DOCK9: variants seen among roughly 807,000 people sequenced by gnomAD.
DOCK9 encodes the protein dedicator of cytokinesis protein 9.
DOCK9 carries 89 observed loss-of-function variants against 263.3 expected under a neutral mutation model. The observed-to-expected ratio is 0.34, with a 90% CI of 0.28 to 0.40. DOCK9 has a LOEUF of 0.40. Ranked by LOEUF, DOCK9 falls within the 10% of genes least tolerant of loss-of-function variation. The pLI, the probability that DOCK9 is intolerant of heterozygous loss-of-function variation, is 1.00. For missense variants in DOCK9, 2,140 were observed against 2,603.4 expected (o/e 0.82, Z 3.87); for synonymous variants, 976 against 973.1 (o/e 1.00, Z -0.06).
intron 47 of DOCK9, among the ~76,000 whole-genome samples, chr13:98,808,867 G>C (rs1213512284): frequency 1.3e-5 from 2 of 152,158 alleles, no homozygotes; most frequent in East Asian, 3.8e-4. Flanking sequence ...AAATATACTT[G>C]TGGAGATATT....
At chr13:98,837,092 CAT>C (rs1177992249) in intron 39 of DOCK9, among the ~76,000 whole-genome samples, 10 of 151,824 alleles carry the variant, frequency 6.6e-5, no homozygotes, top group Admixed American at 1.3e-4. Context: ...AAACTGAAAA[CAT>C]GTGTCTGTGT....
intron 2 of DOCK9, among the ~76,000 whole-genome samples, chr13:98,953,350 T>C (rs2057666212): frequency 6.6e-6 from 1 of 152,256 alleles, no homozygotes; most frequent in African/African-American, 2.4e-5. Flanking sequence ...TTGTGCCTGC[T>C]ATCACCAGAG....
chr13:98,862,078 A>G (rs1411679620), intron 32 of DOCK9, among the ~76,000 whole-genome samples: 2 of 152,166 alleles, frequency 1.3e-5, no homozygotes, highest in African/African-American at 4.8e-5. Flanking sequence ...TGAATATACA[A>G]ATGAAAATTC....
intron 5 of DOCK9, 109 bp from the exon 6 acceptor site, chr13:98,922,255 G>C: frequency 1.4e-6 from 1 of 730,414 alleles, no homozygotes; most frequent in Non-Finnish European, 2.3e-6. Context: ...GTTGTCCATT[G>C]CCCCTTTACT....
At chr13:98,890,487 C>T (rs2046452159) in intron 15 of DOCK9, among the ~76,000 whole-genome samples, 1 of 152,208 alleles carries the variant, frequency 6.6e-6, no homozygotes, top group African/African-American at 2.4e-5. Flanking sequence ...AGAAGAAATG[C>T]AGTTAGGATG....
chr13:99,007,479 T>C (rs908958987), intron 1 of DOCK9, among the ~76,000 whole-genome samples: 1 of 151,680 alleles, frequency 6.6e-6, no homozygotes, highest in African/African-American at 2.4e-5. Context: ...ATGGGAGAAA[T>C]AGAAATCAAC....
At chr13:99,032,965 G>A (rs1887504833) in intron 1 of DOCK9, among the ~76,000 whole-genome samples, 1 of 152,172 alleles carries the variant, frequency 6.6e-6, no homozygotes, top group African/African-American at 2.4e-5. Context: ...AAACACTTAG[G>A]AGCAGATTCC....
At chr13:98,952,559 A>G (rs1190550527) in intron 2 of DOCK9, among the ~76,000 whole-genome samples, 1 of 152,224 alleles carries the variant, frequency 6.6e-6, no homozygotes, top group Non-Finnish European at 1.5e-5. Context: ...TTAAAAATCC[A>G]CGTTTACTTC....
At chr13:98,881,780 G>T in intron 24 of DOCK9, 112 bp downstream of exon 24, 1 of 1,270,238 alleles carries the variant, frequency 7.9e-7, no homozygotes, top group Non-Finnish European at 1.1e-6. Context: ...TGGGATCAAA[G>T]ACATTTCTTA....
chr13:98,893,344 G>A (rs569686820), intron 15 of DOCK9, among the ~76,000 whole-genome samples: 52 of 152,266 alleles, frequency 3.4e-4, no homozygotes, highest in African/African-American at 1.2e-3. Context: ...TAAAGAAAAC[G>A]TTCTATTTTT....
Position 98,829,823 on chromosome 13 carries a change from G to C in DOCK9, c.4636-67C>G. On this transcript the variant is annotated intron_variant, in intron 41 of 52. Transcript: ENST00000682017. This position sits in a 1 kb window ranked among gnomAD's most constrained non-coding sequence, Gnocchi z 4.1. Reference sequence around the variant, plus strand: ...ATGACTGCCCAGGCTGGGCTTCTGCGTTCAGTTAGGATGTGCCTAAGGACC... The same window carrying C: ...ATGACTGCCCAGGCTGGGCTTCTGCCTTCAGTTAGGATGTGCCTAAGGACC... 1 of 1,399,440 alleles carries C rather than the reference G, an allele frequency of 7.1e-7. No individual in the cohort carries two copies. The highest frequency in any genetic ancestry group is 1.4e-5 in the African/African-American group (1 of 70,204). The allele number at this position is 1,399,440 out of a possible 1,614,324, so 86.7% of individuals were successfully genotyped here. A position where few individuals can be genotyped will look rare whatever the true frequency, so the allele number is the denominator to read the frequency against.
chr13:98,984,604 A>G (rs1428675103), intron 1 of DOCK9, among the ~76,000 whole-genome samples: 2 of 152,198 alleles, frequency 1.3e-5, no homozygotes, highest in African/African-American at 2.4e-5. Flanking sequence ...AGTCTTCTAT[A>G]TTCTGCAAGT....
chr13:98,906,925 G>A (rs973669145), intron 9 of DOCK9, among the ~76,000 whole-genome samples: 1 of 152,102 alleles, frequency 6.6e-6, no homozygotes, highest in Non-Finnish European at 1.5e-5. Context: ...CAAGTCTGTT[G>A]CCACACCAAG....
Position 98,884,753 on chromosome 13 carries a change from C to G in DOCK9, c.2382+218G>C, listed in dbSNP as rs571727331. Reference sequence around the variant, plus strand: ...TTTTTCCGCTGAGACACCACTAGTTCAGGGCTTACAAAATGCCCAAACTGT... The same window carrying G: ...TTTTTCCGCTGAGACACCACTAGTTGAGGGCTTACAAAATGCCCAAACTGT... On this transcript the variant is annotated intron_variant, in intron 21 of 52. Transcript: ENST00000682017. 2.0e-5 allele frequency among the ~76,000 whole-genome samples: 3 copies of G among 152,354 alleles called. No homozygotes were observed. The East Asian group carries it at 5.8e-4, about 29-fold the overall frequency.
At chr13:98,851,674 A>G (rs2093576352) in intron 35 of DOCK9, among the ~76,000 whole-genome samples, 1 of 152,218 alleles carries the variant, frequency 6.6e-6, no homozygotes, top group Non-Finnish European at 1.5e-5. Context: ...TAAATGAAAG[A>G]GTAGCTACAG....
Position 98,919,379 on chromosome 13 carries a change from G to T in DOCK9, c.717+1575C>A, listed in dbSNP as rs1317028203. The stretch of plus-strand genomic sequence containing the variant: ...CTCCCAAAGCGTTGAGATTACAGGC[G>T]TGAGCCACTGCAGGGCTGGGCTGTT... On this transcript the variant is annotated intron_variant, in intron 7 of 52. Transcript: ENST00000682017. Among the ~76,000 whole-genome samples, 4 of 152,208 alleles carry T rather than the reference G, an allele frequency of 2.6e-5. No individual in the cohort carries two copies. The East Asian group carries it at 7.7e-4, about 29-fold the overall frequency.
At chr13:98,902,889 C>A in intron 11 of DOCK9, 83 bp downstream of exon 11, 1 of 1,290,526 alleles carries the variant, frequency 7.7e-7, no homozygotes. Context: ...ACTAGGATTT[C>A]TTATCCAGGC....
intron 38 of DOCK9, among the ~76,000 whole-genome samples, chr13:98,842,539 C>T (rs984390166): frequency 5.3e-5 from 8 of 152,106 alleles, no homozygotes; most frequent in South Asian, 2.1e-4. Context: ...TAGAACAACA[C>T]GACATCAAAG....
At chr13:98,808,565 A>AT in intron 47 of DOCK9, 1 of 983,132 alleles carries the variant, frequency 1.0e-6, no homozygotes, top group Non-Finnish European at 1.6e-6. Context: ...AACAAAAAAC[A>AT]TCCACATCAA....
Sources: allele counts gnomAD v4.1 joint callset (sites outside exome capture counted in the v4.1 genomes callset), GRCh38; gene constraint gnomAD v4.1.1; non-coding constraint Gnocchi (gnomAD v3.1); transcripts MANE v1.5; gene names NCBI Gene and HGNC (gene_info 2026-07-23, HGNC 2026-07-21).